The following MPPED1 variants were observed in gnomAD, a reference collection of about 807,000 sequenced individuals.
The protein encoded by MPPED1 is metallophosphoesterase domain-containing protein 1.
MPPED1 carries 16 observed loss-of-function variants against 36.2 expected under a neutral mutation model. The ratio of observed to expected loss-of-function variants is 0.44; its 90% CI spans 0.30 to 0.67. The LOEUF is 0.67. Among genes scored for constraint, MPPED1 ranks in the 30% least tolerant of loss-of-function variants. MPPED1 has a pLI of 0.10. For synonymous variants in MPPED1, 199 were observed against 191.3 expected (o/e 1.04, Z -0.33); for missense variants, 307 against 453.4 (o/e 0.68, Z 2.93).
intron 5 of MPPED1, among the ~76,000 whole-genome samples, chr22:43,499,346 T>C (rs1602024058): frequency 3.6e-5 from 3 of 83,216 alleles, no homozygotes; most frequent in Admixed American, 1.5e-4. Context: ...TGGTGGGAGG[T>C]AGTGATGGTG....
At chr22:43,417,023 C>A (rs1202902167) in intron 1 of MPPED1, 1 of 985,040 alleles carries the variant, frequency 1.0e-6, no homozygotes, top group Non-Finnish European at 1.2e-6. Context: ...CAGTAAGTAG[C>A]ACTCTTCATA....
intron 3 of MPPED1, among the ~76,000 whole-genome samples, chr22:43,446,466 G>T (rs1930350763): frequency 1.3e-5 from 2 of 152,224 alleles, no homozygotes; most frequent in Non-Finnish European, 2.9e-5. Flanking sequence ...GGGGATGTTT[G>T]CATGAAGATC....
intron 3 of MPPED1, among the ~76,000 whole-genome samples, chr22:43,458,607 G>C (rs1418417407): frequency 6.6e-6 from 1 of 152,058 alleles, no homozygotes; most frequent in Non-Finnish European, 1.5e-5. Context: ...ATATTTACCT[G>C]TGTAGCTACC....
intron 3 of MPPED1, among the ~76,000 whole-genome samples, chr22:43,454,123 C>T (rs1344074572): frequency 6.6e-6 from 1 of 152,090 alleles, no homozygotes; most frequent in African/African-American, 2.4e-5. Flanking sequence ...ATTCTCCTGC[C>T]TCAGCCTCCC....
chr22:43,496,026 TG>T (rs1569089321), intron 4 of MPPED1, among the ~76,000 whole-genome samples: 2 of 76,994 alleles, frequency 2.6e-5, no homozygotes, highest in African/African-American at 1.1e-4. Flanking sequence ...GAGGTGGTGA[TG>T]GTGGAGGTGG....
chr22:43,443,033 T>C (rs1930206185), intron 3 of MPPED1, among the ~76,000 whole-genome samples: 1 of 152,180 alleles, frequency 6.6e-6, no homozygotes. Flanking sequence ...CCTGCCTGGG[T>C]GGCCTGAGGT....
chr22:43,485,733 G>A (rs935260758), intron 4 of MPPED1, among the ~76,000 whole-genome samples: 3 of 152,184 alleles, frequency 2.0e-5, no homozygotes, highest in East Asian at 1.9e-4. Context: ...CCTTCCTGCC[G>A]CAAAGTCCCA....
intron 4 of MPPED1, among the ~76,000 whole-genome samples, chr22:43,486,616 C>T (rs1289270904): frequency 1.3e-5 from 2 of 152,112 alleles, no homozygotes; most frequent in African/African-American, 4.8e-5. Flanking sequence ...TACCTGGCTG[C>T]TGGCAGGTCC....
chr22:43,412,211 G>A (rs867425292), intron 1 of MPPED1, 53 bp downstream of exon 1: 3 of 938,716 alleles, frequency 3.2e-6, no homozygotes, highest in Admixed American at 6.3e-5. Flanking sequence ...GGCCGGGCGC[G>A]GGGCGCGGCC....
chr22:43,505,420 GC>G, intron 6 of MPPED1, 77 bp from the exon 7 acceptor site: 3 of 1,284,510 alleles, frequency 2.3e-6, no homozygotes, highest in Non-Finnish European at 3.3e-6. Flanking sequence ...GGGGCTGAGT[GC>G]CCTATGACTG....
rs1354693663 is a variant in MPPED1 at position 43,502,858 on chromosome 22, C to T, written c.862+101C>T. On this transcript the variant is annotated intron_variant, in intron 6 of 6. Transcript: ENST00000443721. The surrounding 1 kb of genome is among the most constrained non-coding windows in gnomAD (Gnocchi z 5.5). ...TTCAGCCAGAAGGGAAATAAATAGC[C>T]CATTCCTACTGTTCGCTTTGTAACT... 2 of 974,318 alleles carry T rather than the reference C, an allele frequency of 2.1e-6. No individual in the cohort carries two copies. The highest frequency in any genetic ancestry group is 4.8e-5 in the East Asian group (2 of 41,394). The allele number at this position is 974,318 out of a possible 1,614,324, so 60.4% of individuals were successfully genotyped here.
chr22:43,451,796 G>T (rs147523118), intron 3 of MPPED1, among the ~76,000 whole-genome samples: 44 of 152,282 alleles, frequency 2.9e-4, no homozygotes, highest in African/African-American at 9.9e-4. Context: ...CCTCTGGCGG[G>T]GACCCCATGG....
intron 2 of MPPED1, among the ~76,000 whole-genome samples, chr22:43,428,764 G>A (rs1235629931): frequency 1.3e-5 from 2 of 152,006 alleles, no homozygotes; most frequent in African/African-American, 4.8e-5. Context: ...AATCTCCGGA[G>A]CTGGGCCTCT....
At chr22:43,438,761 T>A (rs1237067327) in intron 3 of MPPED1, among the ~76,000 whole-genome samples, 1 of 152,108 alleles carries the variant, frequency 6.6e-6, no homozygotes, top group Non-Finnish European at 1.5e-5. Context: ...TGGTGCCAAG[T>A]GTGTCACAGA....
At chr22:43,495,932 A>G (rs375212239) in intron 4 of MPPED1, among the ~76,000 whole-genome samples, 1,509 of 17,910 alleles carry the variant, frequency 0.084, no homozygotes, top group Middle Eastern at 0.12. Flanking sequence ...GGTGGAGGTG[A>G]TGGTGGAGGT....
At chr22:43,438,960 C>G (rs558976655) in intron 3 of MPPED1, among the ~76,000 whole-genome samples, 1 of 152,344 alleles carries the variant, frequency 6.6e-6, no homozygotes, top group South Asian at 2.1e-4. Flanking sequence ...ACAACTTGCT[C>G]CTTCCCTGTT....
chr22:43,455,406 G>A (rs1272428008), intron 3 of MPPED1, among the ~76,000 whole-genome samples: 2 of 152,110 alleles, frequency 1.3e-5, no homozygotes, highest in Admixed American at 1.3e-4. Flanking sequence ...CACTGCGCCA[G>A]GTCAATGTCA....
intron 3 of MPPED1, among the ~76,000 whole-genome samples, chr22:43,447,873 ATATATATATATTTT>A (rs1407558044): frequency 3.2e-5 from 1 of 31,020 alleles, no homozygotes; most frequent in African/African-American, 1.5e-4. Context: ...ATATATATAT[ATATATATATATTTT>A]TTTTTTTTTT....
chr22:43,474,724 C>T lies in MPPED1; in HGVS notation c.407-12C>T. ...CTGTGTGCTGTGTGTCTGTCTGTGT[C>T]CACCCCTGCAGGCAGCCTGCCCTAC... On this transcript the variant is annotated splice_polypyrimidine_tract_variant and intron_variant, in intron 3 of 6. Coordinates refer to ENST00000443721, the MANE Select transcript of MPPED1 (RefSeq NM_001044370.2). The surrounding 1 kb of genome is among the most constrained non-coding windows in gnomAD (Gnocchi z 5.2). 6.2e-7 allele frequency: 1 copy of T among 1,613,196 alleles called. No homozygotes were observed. Among genetic ancestry groups the T allele is most frequent in the Non-Finnish European group, 8.5e-7 (1 of 1,179,302 alleles).
Sources: allele counts gnomAD v4.1 joint callset (sites outside exome capture counted in the v4.1 genomes callset), GRCh38; gene constraint gnomAD v4.1.1; non-coding constraint Gnocchi (gnomAD v3.1); transcripts MANE v1.5; gene names NCBI Gene and HGNC (gene_info 2026-07-23, HGNC 2026-07-21).